Variants in CPE observed in about 807,000 individuals in gnomAD.
The protein encoded by CPE is carboxypeptidase E, also known as carbocypeptidase E.
A neutral mutation model predicts 53.5 loss-of-function variants in CPE; 17 were observed. That is an observed-to-expected ratio of 0.32 (90% CI 0.22 to 0.48). The LOEUF (loss-of-function observed/expected upper bound fraction) is 0.48, where lower values mean the gene tolerates loss of function less well. Among genes scored for constraint, CPE ranks in the 20% least tolerant of loss-of-function variants. The pLI is 0.99. For synonymous variants in CPE, 226 were observed against 228.8 expected (o/e 0.99, Z 0.11); for missense variants, 524 against 614.7 (o/e 0.85, Z 1.56).
intron 6 of CPE, among the ~76,000 whole-genome samples, chr4:165,489,084 G>C (rs1732557325): frequency 6.6e-6 from 1 of 152,088 alleles, no homozygotes; most frequent in Admixed American, 6.6e-5. Context: ...AGCAGTCCAC[G>C]ATGACTCTAG....
rs762963410 is a variant in CPE, at chr4:165,464,463, G to A, written c.381G>A (p.Leu127=). ...TTGGACGAGAACTGCTCATTTTCTT[G>A]GCCCAGTACCTATGCAACGAATACC... is the stretch of plus-strand genomic sequence containing the variant. ...EAVGRELLIF[L]AQYLCNEYQK... is the part of the protein sequence containing the mutation. The change falls in exon 2 of 9, where the codon TTG becomes TTA. Residue 127 remains leucine (L), a synonymous_variant. Transcript: ENST00000402744. 18 of 1,613,706 alleles carry A rather than the reference G, an allele frequency of 1.1e-5. No homozygotes were observed. The highest frequency in any genetic ancestry group is 5.0e-5 in the Admixed American group (3 of 59,972).
chr4:165,422,405 G>A (rs1437817628), intron 1 of CPE, among the ~76,000 whole-genome samples: 2 of 151,670 alleles, frequency 1.3e-5, no homozygotes, highest in Non-Finnish European at 2.9e-5. Context: ...TTATATTTAA[G>A]CAGGAAAGCA....
chr4:165,403,600 T>C (rs1016499139), intron 1 of CPE, among the ~76,000 whole-genome samples: 6 of 152,182 alleles, frequency 3.9e-5, no homozygotes, highest in Non-Finnish European at 7.4e-5. Context: ...GGAATGTGTT[T>C]TCTGGCTTGC....
Position 165,464,591 on chromosome 4 carries a change from G to GT in CPE, c.504+6dup. 6.2e-7 allele frequency: 1 copy of GT among 1,603,164 alleles called. No individual in the cohort carries two copies. Among genetic ancestry groups the GT allele is most frequent in the Non-Finnish European group, 8.5e-7 (1 of 1,174,050 alleles). On this transcript the variant is annotated splice_donor_region_variant and intron_variant, in intron 2 of 8. Coordinates refer to ENST00000402744, the MANE Select transcript of CPE (RefSeq NM_001873.4). ...TTTGAGAAGGCAGCGTCTCAGGTGA[G>GT]TGCCAGGCAGCTCAGATCAGGCGTG...
chr4:165,421,182 A>G (rs1226263983), intron 1 of CPE, among the ~76,000 whole-genome samples: 1 of 152,216 alleles, frequency 6.6e-6, no homozygotes, highest in Non-Finnish European at 1.5e-5. Flanking sequence ...ATAGCAAGAC[A>G]CAAACCTACT....
At chr4:165,387,342 T>G (rs993502403) in intron 1 of CPE, among the ~76,000 whole-genome samples, 7 of 152,214 alleles carry the variant, frequency 4.6e-5, no homozygotes, top group African/African-American at 1.7e-4. Flanking sequence ...TGGTAAATAT[T>G]TTGTTTTCTA....
chr4:165,462,728 A>T (rs1303111891), intron 1 of CPE, among the ~76,000 whole-genome samples: 2 of 152,024 alleles, frequency 1.3e-5, no homozygotes, highest in Admixed American at 1.3e-4. Flanking sequence ...CCTAGGGGTA[A>T]TTTTATTAGA....
Position 165,493,238 on chromosome 4 carries a change from C to G in CPE, c.1181C>G (p.Ser394Cys), listed in dbSNP as rs764918504. The G allele has an allele frequency of 1.9e-6, 3 of 1,614,112 alleles. No individual in the cohort carries two copies. In the Admixed American group the frequency reaches 5.0e-5, roughly 27 times the overall value. Residue 394 changes from serine (S) to cysteine (C), a missense_variant, in exon 7 of 9, where the codon TCC becomes TGC. Coordinates refer to ENST00000402744, the MANE Select transcript of CPE (RefSeq NM_001873.4). ...AACCCAATTGCGAATGCCACCATCTCCGTGGAAGGAATAGACCACGATGTT... is the reference window on the plus strand; with the variant it reads ...AACCCAATTGCGAATGCCACCATCTGCGTGGAAGGAATAGACCACGATGTT... ...QGNPIANATI[S>C]VEGIDHDVTS...
chr4:165,402,745 C>T (rs1007261439), intron 1 of CPE, among the ~76,000 whole-genome samples: 10 of 152,168 alleles, frequency 6.6e-5, no homozygotes, highest in Admixed American at 5.9e-4. Context: ...ATTACTCAGT[C>T]TCCGGTATTT....
chr4:165,459,677 G>GGT (rs1364987905), intron 1 of CPE, among the ~76,000 whole-genome samples: 3 of 132,636 alleles, frequency 2.3e-5, no homozygotes, highest in East Asian at 2.5e-4. Context: ...GGCTGGGTGG[G>GGT]GGGGGGCGGG....
At chr4:165,482,139 C>A in intron 3 of CPE, 103 bp from the exon 4 acceptor site, 1 of 587,488 alleles carries the variant, frequency 1.7e-6, no homozygotes, top group Non-Finnish European at 2.7e-6. Flanking sequence ...TGAAATATGA[C>A]CAGCTTTCAG....
chr4:165,471,373 A>G (rs745766206), intron 3 of CPE, among the ~76,000 whole-genome samples: 2 of 152,184 alleles, frequency 1.3e-5, no homozygotes, highest in Non-Finnish European at 2.9e-5. Flanking sequence ...ATAGAATCTA[A>G]TACCAAGTTA....
chr4:165,459,344 A>G (rs1731954468), intron 1 of CPE, among the ~76,000 whole-genome samples: 1 of 152,198 alleles, frequency 6.6e-6, no homozygotes, highest in Non-Finnish European at 1.5e-5. Context: ...AACCAGGCAC[A>G]TTAAATGTTC....
chr4:165,450,697 T>A (rs1731792475), intron 1 of CPE, among the ~76,000 whole-genome samples: 1 of 152,224 alleles, frequency 6.6e-6, no homozygotes, highest in South Asian at 2.1e-4. Context: ...TCATGTCTGA[T>A]AATATTCCAT....
chr4:165,407,848 G>A (rs893743999), intron 1 of CPE, among the ~76,000 whole-genome samples: 5 of 148,634 alleles, frequency 3.4e-5, no homozygotes, highest in Non-Finnish European at 7.4e-5. Flanking sequence ...GAGCCACCGC[G>A]CCCGACCCAA....
intron 1 of CPE, among the ~76,000 whole-genome samples, chr4:165,412,783 T>C (rs1184944223): frequency 1.3e-5 from 2 of 152,254 alleles, no homozygotes; most frequent in Non-Finnish European, 2.9e-5. Flanking sequence ...TACATCTGTA[T>C]GCTGGGAAGA....
intron 1 of CPE, among the ~76,000 whole-genome samples, chr4:165,406,632 AAAGTAAAATTCAATGGTTTATAGT>A (rs1318205919): frequency 1.3e-5 from 2 of 152,240 alleles, no homozygotes; most frequent in African/African-American, 4.8e-5. Context: ...CACACAATTA[AAAGTAAAATTCAATGGTTTATAGT>A]AGATCCACAG....
intron 6 of CPE, among the ~76,000 whole-genome samples, chr4:165,487,922 G>A (rs2126714648): frequency 6.6e-6 from 1 of 152,176 alleles, no homozygotes; most frequent in Middle Eastern, 3.4e-3. Context: ...GGCAAGCGAG[G>A]CACCTGAATG....
At chr4:165,412,204 G>C (rs1731052835) in intron 1 of CPE, among the ~76,000 whole-genome samples, 1 of 152,154 alleles carries the variant, frequency 6.6e-6, no homozygotes, top group Admixed American at 6.5e-5. Context: ...AAACAAAAGA[G>C]AAAGTTGCAA....
Sources: allele counts gnomAD v4.1 joint callset (sites outside exome capture counted in the v4.1 genomes callset), GRCh38; gene constraint gnomAD v4.1.1; transcripts MANE v1.5; gene names NCBI Gene and HGNC (gene_info 2026-07-23, HGNC 2026-07-21).